The following FYN variants were observed in gnomAD, a reference collection of about 807,000 sequenced individuals.
FYN encodes FYN proto-oncogene, Src family tyrosine kinase.
Under a neutral mutation model 70.2 loss-of-function variants are expected in FYN, and 10 were observed. The ratio of observed to expected loss-of-function variants is 0.14; its 90% CI spans 0.09 to 0.24. The LOEUF is 0.24. Ranked by LOEUF, FYN falls within the 10% of genes least tolerant of loss-of-function variation. The pLI, the probability that FYN is intolerant of heterozygous loss-of-function variation, is 1.00. For missense variants in FYN, 319 were observed against 673.1 expected (o/e 0.47, Z 5.82); for synonymous variants, 236 against 248.6 (o/e 0.95, Z 0.48).
rs148227850 is a variant in FYN at position 111,819,468 on chromosome 6, A to G, written c.-82+27121T>C. ...TAAGTCTCCAACTAAATCTTGGATT[A>G]TTGTTTTACGACAGTCCCTGAAATA... On this transcript the variant is annotated intron_variant, in intron 2 of 13. Transcript: ENST00000354650. 3.3e-5 allele frequency among the ~76,000 whole-genome samples: 5 copies of G among 152,278 alleles called. No individual in the cohort carries two copies. The East Asian group carries it at 9.6e-4, about 29-fold the overall frequency.
intron 3 of FYN, among the ~76,000 whole-genome samples, chr6:111,722,857 G>A (rs934899090): frequency 6.6e-6 from 1 of 152,200 alleles, no homozygotes; most frequent in Non-Finnish European, 1.5e-5. Context: ...TTACACGAAG[G>A]AAAGAATTTA....
intron 3 of FYN, among the ~76,000 whole-genome samples, chr6:111,752,236 T>C (rs973592906): frequency 1.3e-5 from 2 of 152,176 alleles, no homozygotes; most frequent in Non-Finnish European, 2.9e-5. Context: ...CTCAACTCCA[T>C]CCATTCCTCC....
intron 13 of FYN, among the ~76,000 whole-genome samples, chr6:111,663,825 A>AATGGGGG (rs1223103046): frequency 6.7e-6 from 1 of 149,918 alleles, no homozygotes; most frequent in Non-Finnish European, 1.5e-5. Flanking sequence ...AATGGCTGAA[A>AATGGGGG]ATGGGGGATG....
At chr6:111,703,487 C>T (rs1799934048) in intron 7 of FYN, among the ~76,000 whole-genome samples, 1 of 152,140 alleles carries the variant, frequency 6.6e-6, no homozygotes, top group African/African-American at 2.4e-5. Context: ...TTCTGCTTTA[C>T]AACACTTTTT....
At chr6:111,777,112 A>C (rs541574353) in intron 3 of FYN, among the ~76,000 whole-genome samples, 2 of 152,294 alleles carry the variant, frequency 1.3e-5, no homozygotes, top group African/African-American at 2.4e-5. Flanking sequence ...AATACGAGAC[A>C]ATCTCTTTGT....
At chr6:111,822,071 G>A (rs1271558249) in intron 2 of FYN, among the ~76,000 whole-genome samples, 2 of 152,208 alleles carry the variant, frequency 1.3e-5, no homozygotes, top group African/African-American at 4.8e-5. Flanking sequence ...AGACACTGTG[G>A]TGATTCCTCA....
intron 3 of FYN, among the ~76,000 whole-genome samples, chr6:111,771,641 T>C (rs1039957240): frequency 6.6e-6 from 1 of 152,236 alleles, no homozygotes; most frequent in Admixed American, 6.5e-5. Flanking sequence ...AACAAAGCCT[T>C]GGCCTACCCA....
rs577321696 is a variant in FYN at position 111,661,427 on chromosome 6, C to T, written c.*312G>A. ...GATTTGCATTTTTAAAAAAGGAAAG[C>T]ACTAGGATTGTTGGCACTGGAGTAA... On this transcript the variant is annotated 3_prime_UTR_variant, in exon 14 of 14. Transcript: ENST00000354650. The surrounding 1 kb of genome is among the most constrained non-coding windows in gnomAD (Gnocchi z 4.0). 6 of 232,222 alleles carry T rather than the reference C, an allele frequency of 2.6e-5. No individual in the cohort carries two copies. Among genetic ancestry groups the T allele is most frequent in the Admixed American group, 5.4e-5 (1 of 18,670 alleles). 14.4% of individuals were successfully genotyped at this position (232,222 alleles called of 1,614,324 possible). A position where few individuals can be genotyped will look rare whatever the true frequency, so the allele number is the denominator to read the frequency against.
At chr6:111,733,749 G>A (rs1049725790) in intron 3 of FYN, among the ~76,000 whole-genome samples, 1 of 152,154 alleles carries the variant, frequency 6.6e-6, no homozygotes, top group Admixed American at 6.5e-5. Context: ...CACAAAGCGT[G>A]TCACTCTGAA....
At chr6:111,869,303 G>C (rs574131994) in intron 1 of FYN, among the ~76,000 whole-genome samples, 1 of 152,366 alleles carries the variant, frequency 6.6e-6, no homozygotes, top group African/African-American at 2.4e-5. Context: ...CTGCCCTTCC[G>C]TTAAGAAGCT....
intron 2 of FYN, among the ~76,000 whole-genome samples, chr6:111,817,763 T>C (rs1772535671): frequency 6.6e-6 from 1 of 152,256 alleles, no homozygotes; most frequent in Admixed American, 6.5e-5. Flanking sequence ...AGTAGACAGC[T>C]TGTGTCAATA....
chr6:111,674,228 G>C (rs571220463), intron 13 of FYN, among the ~76,000 whole-genome samples: 2 of 152,350 alleles, frequency 1.3e-5, no homozygotes, highest in African/African-American at 4.8e-5. Flanking sequence ...TGAGAGAGGA[G>C]AGATTCTATG....
intron 5 of FYN, chr6:111,708,306 G>A (rs1234225121): frequency 5.8e-6 from 2 of 347,186 alleles, no homozygotes; most frequent in South Asian, 3.6e-5. Flanking sequence ...CATTTTGCTT[G>A]GTTAGTGTCC....
chr6:111,848,131 C>A (rs1773584241), intron 1 of FYN, among the ~76,000 whole-genome samples: 1 of 152,192 alleles, frequency 6.6e-6, no homozygotes, highest in Admixed American at 6.5e-5. Context: ...GAACTCTTCA[C>A]AAAAGGGAAC....
intron 3 of FYN, among the ~76,000 whole-genome samples, chr6:111,734,532 C>T (rs1801618299): frequency 6.6e-6 from 1 of 152,220 alleles, no homozygotes; most frequent in African/African-American, 2.4e-5. Context: ...GCTCAACCAA[C>T]TCTGGCATTC....
chr6:111,702,692 T>C (rs1326307527), intron 8 of FYN, 193 bp downstream of exon 8: 3 of 425,038 alleles, frequency 7.1e-6, no homozygotes, highest in Admixed American at 8.6e-5. Flanking sequence ...CATGTGGAAC[T>C]AATAATAACA....
chr6:111,783,268 C>T (rs1006425539), intron 2 of FYN, among the ~76,000 whole-genome samples: 9 of 152,194 alleles, frequency 5.9e-5, no homozygotes, highest in Non-Finnish European at 1.2e-4. Context: ...CCATTGGCAG[C>T]ATTTTTCATA....
intron 8 of FYN, 122 bp downstream of exon 8, chr6:111,702,759 CAAAG>C: frequency 1.1e-6 from 1 of 897,088 alleles, no homozygotes; most frequent in South Asian, 2.0e-5. Flanking sequence ...TAAGGGCTGG[CAAAG>C]AAAACATACT....
At chr6:111,842,773 T>C (rs1392756343) in intron 2 of FYN, among the ~76,000 whole-genome samples, 4 of 152,166 alleles carry the variant, frequency 2.6e-5, no homozygotes, top group African/African-American at 9.7e-5. Flanking sequence ...TAGAATTAGA[T>C]TTTCCCCCCA....
Sources: gnomAD v4.1 joint callset for allele counts (sites outside exome capture counted in the v4.1 genomes callset) on GRCh38, gnomAD v4.1.1 for gene constraint, Gnocchi (gnomAD v3.1) non-coding constraint, MANE v1.5 for transcripts, NCBI Gene and HGNC (gene_info 2026-07-23, HGNC 2026-07-21) for gene names.